The following ALDH18A1 variants were observed in gnomAD, a reference collection of about 807,000 sequenced individuals.
ALDH18A1 encodes the protein delta-1-pyrroline-5-carboxylate synthase.
Under a neutral mutation model 88.8 loss-of-function variants are expected in ALDH18A1, and 44 were observed. The ratio of observed to expected loss-of-function variants is 0.50; its 90% CI spans 0.39 to 0.64. The LOEUF is 0.64. Ranked by LOEUF, ALDH18A1 falls within the 30% of genes least tolerant of loss-of-function variation. ALDH18A1 has a pLI of 0.00. For synonymous variants in ALDH18A1, 331 were observed against 372.1 expected (o/e 0.89, Z 1.27); for missense variants, 782 against 1,009.5 (o/e 0.77, Z 3.05).
At chr10:95,645,819 G>C (rs1307575469) in intron 2 of ALDH18A1, among the ~76,000 whole-genome samples, 1 of 152,044 alleles carries the variant, frequency 6.6e-6, no homozygotes, top group East Asian at 1.9e-4. Context: ...TCCTGCTGTG[G>C]GAGTCCCTGG....
At chr10:95,649,207 C>T (rs1010956440) in intron 2 of ALDH18A1, among the ~76,000 whole-genome samples, 1 of 150,682 alleles carries the variant, frequency 6.6e-6, no homozygotes, top group Non-Finnish European at 1.5e-5. Context: ...ACACCTTATA[C>T]AAAAATTAAC....
intron 1 of ALDH18A1, 138 bp from the exon 2 acceptor site, chr10:95,653,543 C>A: frequency 1.4e-6 from 1 of 707,854 alleles, no homozygotes; most frequent in Non-Finnish European, 2.5e-6. Context: ...GAAACTCCCA[C>A]CTCCTCTATA....
chr10:95,617,872 G>C (rs1168399868), intron 12 of ALDH18A1, among the ~76,000 whole-genome samples: 1 of 152,128 alleles, frequency 6.6e-6, no homozygotes, highest in Non-Finnish European at 1.5e-5. Context: ...AGGTGAGTCT[G>C]GCAGTCATCA....
chr10:95,628,569 A>G (rs1405723652), intron 7 of ALDH18A1, 77 bp from the exon 8 acceptor site: 61 of 1,553,934 alleles, frequency 3.9e-5, no homozygotes, highest in Non-Finnish European at 5.1e-5. Flanking sequence ...GGCACCTGCC[A>G]ATCACTCTGT....
At chr10:95,653,051 G>A (rs757816633) in intron 2 of ALDH18A1, among the ~76,000 whole-genome samples, 2 of 151,794 alleles carry the variant, frequency 1.3e-5, no homozygotes, top group African/African-American at 2.4e-5. Context: ...GAGTCAGCGC[G>A]GTGGTGTGTG....
chr10:95,639,966 T>G (rs937159907), intron 3 of ALDH18A1, among the ~76,000 whole-genome samples: 19 of 152,242 alleles, frequency 1.2e-4, no homozygotes, highest in African/African-American at 3.9e-4. Context: ...GTGGTGTACA[T>G]GTTCATCAAG....
chr10:95,637,221 G>A (rs139772394), intron 4 of ALDH18A1, 24 bp from the exon 5 acceptor site: 1 of 1,614,102 alleles, frequency 6.2e-7, no homozygotes, highest in African/African-American at 1.3e-5. Flanking sequence ...ATGAGACAAG[G>A]TGTGGTAGGG....
At chr10:95,642,846 G>A in intron 3 of ALDH18A1, 146 bp downstream of exon 3, 1 of 880,468 alleles carries the variant, frequency 1.1e-6, no homozygotes, top group Non-Finnish European at 1.8e-6. Context: ...GGCGTCTACA[G>A]TGGGAAACAG....
chr10:95,627,066 T>A (rs1226622137), intron 9 of ALDH18A1, among the ~76,000 whole-genome samples: 1 of 152,206 alleles, frequency 6.6e-6, no homozygotes, highest in Non-Finnish European at 1.5e-5. Flanking sequence ...CGATATTTTT[T>A]AATGTGTTTA....
chr10:95,622,548 A>T (rs1233547235), intron 11 of ALDH18A1, among the ~76,000 whole-genome samples: 1 of 150,790 alleles, frequency 6.6e-6, no homozygotes, highest in Non-Finnish European at 1.5e-5. Context: ...AATTTTCTAT[A>T]TTTTTTTGAG....
At chr10:95,643,906 G>A (rs1299069580) in intron 2 of ALDH18A1, among the ~76,000 whole-genome samples, 2 of 152,196 alleles carry the variant, frequency 1.3e-5, no homozygotes, top group East Asian at 3.8e-4. Context: ...CACTCTGGGA[G>A]GCCGAGGCAG....
intron 17 of ALDH18A1, among the ~76,000 whole-genome samples, chr10:95,607,598 A>G (rs1054154916): frequency 1.2e-4 from 18 of 152,170 alleles, no homozygotes; most frequent in Admixed American, 7.9e-4. Context: ...CCCTGGGGAT[A>G]AAGTGGTGAA....
chr10:95,611,151 G>C, intron 16 of ALDH18A1, 105 bp downstream of exon 16: 1 of 1,337,002 alleles, frequency 7.5e-7, no homozygotes, highest in Non-Finnish European at 1.1e-6. Flanking sequence ...ATTACCATAA[G>C]CCTACTCAAA....
At position 95,637,473 on chromosome 10, in the gene ALDH18A1, C is replaced by T. The variant is rs114793906; in HGVS notation, c.304-37G>A. Reference sequence around the variant, plus strand: ...GAAAGGAAAGGGGACTGTAAGTTACCGTACTGTCTCTTTCATCTCTTCACA... The same window carrying T: ...GAAAGGAAAGGGGACTGTAAGTTACTGTACTGTCTCTTTCATCTCTTCACA... On this transcript the variant is annotated intron_variant, in intron 3 of 17. Transcript: ENST00000371224. The T allele has an allele frequency of 8.4e-5, 136 of 1,610,976 alleles. No individual in the cohort carries two copies. In the African/African-American group the frequency reaches 1.5e-3, roughly 18 times the overall value.
At chr10:95,642,042 A>G (rs1404023135) in intron 3 of ALDH18A1, among the ~76,000 whole-genome samples, 1 of 152,216 alleles carries the variant, frequency 6.6e-6, no homozygotes, top group East Asian at 1.9e-4. Flanking sequence ...TCAGGTTAGC[A>G]ATTTCCCAAT....
At chr10:95,623,893 G>T (rs1018420164) in intron 11 of ALDH18A1, among the ~76,000 whole-genome samples, 1 of 151,854 alleles carries the variant, frequency 6.6e-6, no homozygotes, top group Admixed American at 6.6e-5. Flanking sequence ...TAGAGACAAG[G>T]TTTCACCATG....
At position 95,621,168 on chromosome 10, in the gene ALDH18A1, C is replaced by T. The variant is rs373404824; in HGVS notation, c.1330G>A (p.Ala444Thr). Residue 444 changes from alanine (A) to threonine (T), a missense_variant, in exon 12 of 18, where the codon GCA (alanine) becomes ACA (threonine). Ala to Thr is a moderately conservative substitution (Grantham distance 58). Coordinates refer to ENST00000371224, the MANE Select transcript of ALDH18A1 (RefSeq NM_002860.4). ...CCCACGCTGTCCTGGGAGGAGGCTG[C>T]GATCTGTCGCAGACCGATGGCCAGG... is the stretch of plus-strand genomic sequence containing the variant. ...NSLAIGLRQIAASSQDSVGRV... is the reference protein window; with the variant it reads ...NSLAIGLRQITASSQDSVGRV... 1.8e-5 allele frequency: 29 copies of T among 1,613,934 alleles called. No homozygotes were observed. The highest frequency in any genetic ancestry group is 1.5e-4 in the African/African-American group (11 of 74,884).
chr10:95,654,676 G>T (rs772047187), intron 1 of ALDH18A1, among the ~76,000 whole-genome samples: 1 of 150,670 alleles, frequency 6.6e-6, no homozygotes, highest in South Asian at 2.1e-4. Context: ...AGACTGGCAG[G>T]ATGCAGCTGT....
intron 11 of ALDH18A1, 143 bp downstream of exon 11, chr10:95,625,219 C>A: frequency 1.3e-6 from 1 of 788,112 alleles, no homozygotes; most frequent in East Asian, 2.6e-5. Context: ...ACCCACCTAC[C>A]CTCAATAGAA....
Sources: gnomAD v4.1 joint callset for allele counts (sites outside exome capture counted in the v4.1 genomes callset) on GRCh38, gnomAD v4.1.1 for gene constraint, MANE v1.5 for transcripts, NCBI Gene and HGNC (gene_info 2026-07-23, HGNC 2026-07-21) for gene names.